The following TRAPPC9 variants were observed in gnomAD, a reference collection of about 807,000 sequenced individuals.
TRAPPC9 encodes trafficking protein particle complex subunit 9, also known as IKK2 binding protein.
Under a neutral mutation model 124.0 loss-of-function variants are expected in TRAPPC9, and 83 were observed. The ratio of observed to expected loss-of-function variants is 0.67; its 90% CI spans 0.56 to 0.80. TRAPPC9 has a LOEUF of 0.80. TRAPPC9 is among the 30% of genes least tolerant of loss of function. TRAPPC9 has a pLI of 0.00. For missense variants in TRAPPC9, 1,302 were observed against 1,508.3 expected (o/e 0.86, Z 2.27); for synonymous variants, 638 against 617.5 (o/e 1.03, Z -0.49).
chr8:140,313,657 A>G (rs1210581432), intron 9 of TRAPPC9, among the ~76,000 whole-genome samples: 1 of 152,184 alleles, frequency 6.6e-6, no homozygotes, highest in East Asian at 1.9e-4. Context: ...CCATGAGCGT[A>G]GCAGGGCACA....
At chr8:139,807,950 G>A (rs1824182560) in intron 21 of TRAPPC9, among the ~76,000 whole-genome samples, 1 of 152,124 alleles carries the variant, frequency 6.6e-6, no homozygotes, top group African/African-American at 2.4e-5. Context: ...CAGACAGGAA[G>A]GGCATTCGGG....
intron 5 of TRAPPC9, among the ~76,000 whole-genome samples, chr8:140,417,609 G>C (rs1386356534): frequency 6.6e-6 from 1 of 152,182 alleles, no homozygotes; most frequent in African/African-American, 2.4e-5. Flanking sequence ...TTATACTGTT[G>C]GTGGGAGTGT....
intron 9 of TRAPPC9, among the ~76,000 whole-genome samples, chr8:140,328,802 C>T (rs1205128763): frequency 6.6e-6 from 1 of 152,030 alleles, no homozygotes; most frequent in African/African-American, 2.4e-5. Context: ...GTCTAATTAG[C>T]ATAGTTATAA....
intron 21 of TRAPPC9, among the ~76,000 whole-genome samples, chr8:139,740,463 G>A (rs1448974994): frequency 2.6e-5 from 4 of 152,254 alleles, no homozygotes; most frequent in Admixed American, 6.5e-5. Flanking sequence ...ATGTGCGCAT[G>A]CTGGGCAGGG....
chr8:140,209,204 CT>C (rs1259249784), intron 17 of TRAPPC9, among the ~76,000 whole-genome samples: 6 of 152,222 alleles, frequency 3.9e-5, no homozygotes, highest in South Asian at 4.1e-4. Flanking sequence ...ACTCCCGTGT[CT>C]TTCCTTGTTT....
chr8:139,966,027 C>A (rs1299585284), intron 19 of TRAPPC9, among the ~76,000 whole-genome samples: 1 of 152,200 alleles, frequency 6.6e-6, no homozygotes. Flanking sequence ...TTTTGAAAAA[C>A]AGTAACTACG....
At chr8:139,893,131 G>A (rs577477115) in intron 20 of TRAPPC9, among the ~76,000 whole-genome samples, 5 of 152,364 alleles carry the variant, frequency 3.3e-5, no homozygotes, top group African/African-American at 9.6e-5. Context: ...TAGCCCTGGT[G>A]AGGGGCTCCT....
chr8:140,428,356 C>T (rs971823733), intron 4 of TRAPPC9, among the ~76,000 whole-genome samples: 1 of 152,130 alleles, frequency 6.6e-6, no homozygotes, highest in African/African-American at 2.4e-5. Flanking sequence ...ATCAATCAGA[C>T]CAAAATATCA....
intron 17 of TRAPPC9, among the ~76,000 whole-genome samples, chr8:140,108,012 T>G (rs891941171): frequency 3.3e-5 from 5 of 151,266 alleles, no homozygotes; most frequent in African/African-American, 1.2e-4. Flanking sequence ...TATATGCATG[T>G]AGATATGAGG....
intron 4 of TRAPPC9, among the ~76,000 whole-genome samples, chr8:140,432,509 C>G (rs2132587243): frequency 6.6e-6 from 1 of 152,328 alleles, no homozygotes; most frequent in South Asian, 2.1e-4. Flanking sequence ...AGTGGCAAAG[C>G]TTTCTCCTAG....
At chr8:139,927,261 T>A (rs1832872894) in intron 19 of TRAPPC9, among the ~76,000 whole-genome samples, 1 of 152,220 alleles carries the variant, frequency 6.6e-6, no homozygotes, top group Admixed American at 6.5e-5. Flanking sequence ...TTTCTTTTTT[T>A]TTTTAGACAG....
intron 21 of TRAPPC9, among the ~76,000 whole-genome samples, chr8:139,770,727 G>A (rs560059991): frequency 3.5e-4 from 53 of 152,192 alleles, no homozygotes; most frequent in Non-Finnish European, 6.0e-4. Flanking sequence ...AATGGAAAAG[G>A]AGAGGCCTCA....
intron 17 of TRAPPC9, among the ~76,000 whole-genome samples, chr8:140,130,773 G>A (rs778616298): frequency 7.9e-5 from 12 of 152,128 alleles, no homozygotes; most frequent in Non-Finnish European, 1.3e-4. Flanking sequence ...ACAGGGCATC[G>A]GGTTAACAGC....
chr8:139,739,139 C>T (rs983759107), intron 21 of TRAPPC9, among the ~76,000 whole-genome samples: 2 of 152,194 alleles, frequency 1.3e-5, no homozygotes, highest in African/African-American at 2.4e-5. Flanking sequence ...TCTCACCCTC[C>T]ACTTTCTCCT....
rs111921723 is a variant in TRAPPC9 at position 140,392,173 on chromosome 8, C to T, written c.1134+5447G>A. 9.7e-4 allele frequency among the ~76,000 whole-genome samples: 147 copies of T among 152,292 alleles called. 1 individual carries two copies. The highest frequency in any genetic ancestry group is 3.5e-3 in the African/African-American group (145 of 41,562). Reference sequence around the variant, plus strand: ...TATCTACAAGACAATCCTGGAGACACGGCAAACTCCTCTCCTCAATTTCTC... The same window carrying T: ...TATCTACAAGACAATCCTGGAGACATGGCAAACTCCTCTCCTCAATTTCTC... On this transcript the variant is annotated intron_variant, in intron 7 of 22. Transcript: ENST00000438773.
At chr8:139,808,113 CTATTACTTTTTT>C (rs1824194007) in intron 21 of TRAPPC9, among the ~76,000 whole-genome samples, 1 of 152,200 alleles carries the variant, frequency 6.6e-6, no homozygotes, top group African/African-American at 2.4e-5. Context: ...CCATTATTAA[CTATTACTTTTTT>C]GAGACATACT....
chr8:139,846,296 AC>A, intron 21 of TRAPPC9, among the ~76,000 whole-genome samples: 1 of 151,946 alleles, frequency 6.6e-6, no homozygotes, highest in African/African-American at 2.4e-5. Flanking sequence ...TCTTAGTTCC[AC>A]CCCCCACCCC....
chr8:140,337,102 G>A (rs969769956), intron 9 of TRAPPC9, among the ~76,000 whole-genome samples: 2 of 152,144 alleles, frequency 1.3e-5, no homozygotes, highest in South Asian at 4.1e-4. Flanking sequence ...CCAGGATGTG[G>A]GGTCAGGCAT....
intron 3 of TRAPPC9, among the ~76,000 whole-genome samples, chr8:140,438,592 G>C (rs1167156354): frequency 6.6e-6 from 1 of 152,178 alleles, no homozygotes; most frequent in South Asian, 2.1e-4. Context: ...AAGCATCCCA[G>C]GCCACTGCTC....
Sources: gnomAD v4.1 joint callset for allele counts (sites outside exome capture counted in the v4.1 genomes callset) on GRCh38, gnomAD v4.1.1 for gene constraint, MANE v1.5 for transcripts, NCBI Gene and HGNC (gene_info 2026-07-23, HGNC 2026-07-21) for gene names.